The following TLL1 variants were observed in gnomAD, a reference collection of about 807,000 sequenced individuals.
TLL1 encodes the protein tolloid like 1.
A neutral mutation model predicts 128.2 loss-of-function variants in TLL1; 49 were observed. That is an observed-to-expected ratio of 0.38 (90% CI 0.30 to 0.48). TLL1 has a LOEUF of 0.48. Among genes scored for constraint, TLL1 ranks in the 20% least tolerant of loss-of-function variants. The probability of loss-of-function intolerance (pLI) is 0.96; values close to 1 mark genes in which losing one functional copy is unlikely to be tolerated. For synonymous variants in TLL1, 454 were observed against 418.8 expected, an observed-to-expected ratio of 1.08 and a Z score of -1.03; for missense variants, 1,123 against 1,242.0, an observed-to-expected ratio of 0.90 and a Z score of 1.44.
At chr4:166,026,913 TA>T (rs1318098970) in intron 9 of TLL1, among the ~76,000 whole-genome samples, 1 of 152,164 alleles carries the variant, frequency 6.6e-6, no homozygotes, top group Non-Finnish European at 1.5e-5. Flanking sequence ...CAAATTTCTA[TA>T]AAATGTTACA....
rs2111015568 is a variant in TLL1, at chr4:165,992,788, C to T, written c.281-16C>T. The T allele has an allele frequency of 6.2e-7, 1 of 1,611,326 alleles. No homozygotes were observed. Among genetic ancestry groups the T allele is most frequent in the Non-Finnish European group, 8.5e-7 (1 of 1,177,742 alleles). On this transcript the variant is annotated splice_polypyrimidine_tract_variant and intron_variant, in intron 2 of 20. Transcript: ENST00000061240. ...AACATATTTTGAGTTTAACTTGTTT[C>T]CTTTTATTCTTTAAGGTGGACTTGG...
intron 12 of TLL1, 95 bp from the exon 13 acceptor site, chr4:166,054,978 TAAC>T (rs1267099766): frequency 2.0e-6 from 2 of 983,140 alleles, no homozygotes; most frequent in African/African-American, 3.3e-5. Context: ...ACTTTTATAT[TAAC>T]AAATCAGAAG....
intron 1 of TLL1, among the ~76,000 whole-genome samples, chr4:165,874,769 C>A (rs945805650): frequency 2.0e-5 from 3 of 152,278 alleles, no homozygotes; most frequent in African/African-American, 7.2e-5. Context: ...ACCGGCACTG[C>A]CTGAAGCTCA....
At chr4:166,081,531 G>A (rs781633382) in intron 18 of TLL1, among the ~76,000 whole-genome samples, 19 of 152,074 alleles carry the variant, frequency 1.2e-4, no homozygotes, top group South Asian at 1.0e-3. Flanking sequence ...TGCAGTTTCC[G>A]TTAGTTCTAT....
rs530471440 is a variant in TLL1, at chr4:165,974,451, T to C, written c.170-14930T>C. On this transcript the variant is annotated intron_variant, in intron 1 of 20. Transcript: ENST00000061240. ...CACCGCGCCTGGCCTCATCTTTAGT[T>C]TTCTCTGCTATCAAGCTGTAGGAGA... Among the ~76,000 whole-genome samples, 20 of 152,262 alleles carry C rather than the reference T, an allele frequency of 1.3e-4. No individual in the cohort carries two copies. The South Asian group carries it at 3.7e-3, about 28-fold the overall frequency.
At chr4:166,070,944 A>G (rs1315716599) in intron 16 of TLL1, among the ~76,000 whole-genome samples, 1 of 151,946 alleles carries the variant, frequency 6.6e-6, no homozygotes, top group African/African-American at 2.4e-5. Flanking sequence ...CCAAGTTTTC[A>G]TCATTATTGA....
chr4:166,034,431 T>A (rs1738904866), intron 9 of TLL1, among the ~76,000 whole-genome samples: 1 of 152,112 alleles, frequency 6.6e-6, no homozygotes. Flanking sequence ...GGATGAAGTT[T>A]ATGTGCTTGA....
intron 5 of TLL1, among the ~76,000 whole-genome samples, chr4:166,002,777 GA>G: frequency 6.6e-6 from 1 of 152,166 alleles, no homozygotes; most frequent in Non-Finnish European, 1.5e-5. Context: ...CTTCTTCTTT[GA>G]AACGTTTCTT....
chr4:166,060,013 TTTC>T lies in TLL1; in HGVS notation c.1847-12_1847-10del, dbSNP rs1399005396. 12 of 1,613,498 alleles carry T rather than the reference TTTC, an allele frequency of 7.4e-6. No individual in the cohort carries two copies. The highest frequency in any genetic ancestry group is 1.0e-5 in the Non-Finnish European group (12 of 1,179,750). On this transcript the variant is annotated splice_polypyrimidine_tract_variant and intron_variant, in intron 14 of 20. Transcript: ENST00000061240. ...TCATGGGGAGAATATACCTTTTTCT[TTTC>T]TTTTCTTCTAGCTGCTTGTGGTGGA...
chr4:165,937,305 A>C (rs914195647), intron 1 of TLL1, among the ~76,000 whole-genome samples: 6 of 152,154 alleles, frequency 3.9e-5, no homozygotes, highest in Admixed American at 3.3e-4. Context: ...CTGGGTTTTT[A>C]GTTATTCTCT....
Position 165,994,533 on chromosome 4 carries a change from G to A in TLL1, c.514G>A (p.Gly172Ser), listed in dbSNP as rs908557499. 1.2e-6 allele frequency: 2 copies of A among 1,613,692 alleles called. No individual in the cohort carries two copies. The highest frequency in any genetic ancestry group is 2.7e-5 in the African/African-American group (2 of 74,874). Residue 172 changes from glycine (G) to serine (S), a missense_variant and splice_region_variant, in exon 4 of 21, where the codon GGC becomes AGC. Transcript: ENST00000061240. ...IPYVIGGNFT[G>S]SQRAMFKQAM... ...TTATGTTATAGGAGGAAACTTCACT[G>A]GTAAGATACTCCCAGCATGTCTGTT...
At chr4:165,899,506 TTC>T (rs1731850504) in intron 1 of TLL1, among the ~76,000 whole-genome samples, 1 of 152,224 alleles carries the variant, frequency 6.6e-6, no homozygotes, top group Non-Finnish European at 1.5e-5. Flanking sequence ...GAGGAGGTTG[TTC>T]TGTTTCCATG....
intron 1 of TLL1, among the ~76,000 whole-genome samples, chr4:165,968,895 A>C (rs1181079299): frequency 6.6e-6 from 1 of 152,136 alleles, no homozygotes; most frequent in East Asian, 1.9e-4. Flanking sequence ...TGTGGTTTAG[A>C]AAGCTACTTT....
At chr4:166,060,905 T>A (rs1019507121) in intron 15 of TLL1, among the ~76,000 whole-genome samples, 1 of 152,216 alleles carries the variant, frequency 6.6e-6, no homozygotes, top group Non-Finnish European at 1.5e-5. Context: ...GAGGAAAGGT[T>A]ATAAACGTTT....
intron 5 of TLL1, among the ~76,000 whole-genome samples, chr4:166,001,790 A>G (rs1192372509): frequency 5.3e-5 from 5 of 94,916 alleles, no homozygotes; most frequent in Non-Finnish European, 1.1e-4. Flanking sequence ...GCAAAACTCC[A>G]TCTCAAAAAA....
intron 3 of TLL1, among the ~76,000 whole-genome samples, chr4:165,993,453 T>C (rs1055723854): frequency 6.6e-6 from 1 of 152,044 alleles, no homozygotes; most frequent in Non-Finnish European, 1.5e-5. Context: ...CCTGTATGCA[T>C]AGCTCATATT....
rs116100964 is a variant in TLL1 at position 166,061,172 on chromosome 4, C to T, written c.2007+984C>T. On this transcript the variant is annotated intron_variant, in intron 15 of 20. Transcript: ENST00000061240. ...GTTGGTAATATTTGTGGGTTTTATA[C>T]CATAGTTTTGCTTTTGTGTGTCTAT... is the stretch of plus-strand genomic sequence containing the variant. Among the ~76,000 whole-genome samples, 1,095 of 151,784 alleles carry T rather than the reference C, an allele frequency of 7.2e-3. 13 individuals carry two copies. Among genetic ancestry groups the T allele is most frequent in the African/African-American group, 0.025 (1,028 of 41,412 alleles).
Position 166,087,102 on chromosome 4 carries a change from T to C in TLL1, c.2443-4026T>C, listed in dbSNP as rs559569089. Reference sequence around the variant, plus strand: ...AGACTCTGATCATTAAATTTGAGGGTACCTTTTTACCTTTTGAATTAATGT... The same window carrying C: ...AGACTCTGATCATTAAATTTGAGGGCACCTTTTTACCTTTTGAATTAATGT... On this transcript the variant is annotated intron_variant, in intron 18 of 20. Transcript: ENST00000061240. 2.4e-3 allele frequency among the ~76,000 whole-genome samples: 362 copies of C among 152,274 alleles called. 1 individual carries two copies. Among genetic ancestry groups the C allele is most frequent in the African/African-American group, 8.5e-3 (352 of 41,560 alleles).
intron 1 of TLL1, among the ~76,000 whole-genome samples, chr4:165,981,503 G>T (rs1271146108): frequency 6.6e-6 from 1 of 151,954 alleles, no homozygotes; most frequent in Non-Finnish European, 1.5e-5. Flanking sequence ...AGGTTTGGAT[G>T]GGCCAAATTT....
Sources: gnomAD v4.1 joint callset for allele counts (sites outside exome capture counted in the v4.1 genomes callset) on GRCh38, gnomAD v4.1.1 for gene constraint, MANE v1.5 for transcripts, NCBI Gene and HGNC (gene_info 2026-07-23, HGNC 2026-07-21) for gene names.